PDE10A: variants seen among roughly 807,000 people sequenced by gnomAD.
PDE10A encodes the protein cAMP and cAMP-inhibited cGMP 3',5'-cyclic phosphodiesterase 10A.
In PDE10A, 39 loss-of-function variants were observed where a neutral mutation model predicts 97.7. That is an observed-to-expected ratio of 0.40 (90% confidence interval 0.31 to 0.52). The LOEUF is 0.52. Ranked by LOEUF, PDE10A falls within the 20% of genes least tolerant of loss-of-function variation. The probability of loss-of-function intolerance (pLI) is 0.56; values close to 1 mark genes in which losing one functional copy is unlikely to be tolerated. For missense variants in PDE10A, 731 were observed against 1,047.8 expected (o/e 0.70, Z 4.17); for synonymous variants, 371 against 376.8 (o/e 0.98, Z 0.18).
chr6:165,684,513 G>A (rs1460036686), intron 1 of PDE10A, among the ~76,000 whole-genome samples: 6 of 152,222 alleles, frequency 3.9e-5, no homozygotes, highest in Admixed American at 2.6e-4. Flanking sequence ...TGCCATCACT[G>A]CTATGTGAGT....
intron 13 of PDE10A, among the ~76,000 whole-genome samples, chr6:165,406,098 G>A (rs907426426): frequency 2.0e-5 from 3 of 152,010 alleles, no homozygotes; most frequent in Non-Finnish European, 2.9e-5. Context: ...GCTGAAATTA[G>A]TTATCTATAA....
intron 13 of PDE10A, among the ~76,000 whole-genome samples, chr6:165,407,413 T>C (rs894586122): frequency 2.6e-5 from 4 of 152,106 alleles, no homozygotes; most frequent in Non-Finnish European, 4.4e-5. Context: ...GAGATAATAA[T>C]AACCACACTC....
chr6:165,838,025 A>G (rs1421715776), intron 1 of PDE10A, among the ~76,000 whole-genome samples: 1 of 152,204 alleles, frequency 6.6e-6, no homozygotes, highest in Non-Finnish European at 1.5e-5. Flanking sequence ...CTCAGGAAAG[A>G]GAGGAAGTTA....
intron 10 of PDE10A, among the ~76,000 whole-genome samples, chr6:165,420,001 A>T (rs1183848171): frequency 6.6e-6 from 1 of 152,220 alleles, no homozygotes; most frequent in Non-Finnish European, 1.5e-5. Context: ...TACACCAAAC[A>T]AATACTGGCT....
chr6:165,434,712 T>C (rs1325862871), intron 6 of PDE10A, among the ~76,000 whole-genome samples: 2 of 151,976 alleles, frequency 1.3e-5, no homozygotes, highest in Non-Finnish European at 2.9e-5. Flanking sequence ...TGGAAGCGGG[T>C]GAGAGACACA....
At chr6:165,535,574 G>C (rs1459820001) in intron 2 of PDE10A, among the ~76,000 whole-genome samples, 1 of 151,574 alleles carries the variant, frequency 6.6e-6, no homozygotes, top group Non-Finnish European at 1.5e-5. Context: ...CCATGGCTGA[G>C]TAGTATTCTA....
intron 1 of PDE10A, among the ~76,000 whole-genome samples, chr6:165,736,308 G>A (rs1243063270): frequency 6.6e-6 from 1 of 152,172 alleles, no homozygotes; most frequent in African/African-American, 2.4e-5. Context: ...TGCAAAAATG[G>A]CTTCATAATT....
chr6:165,643,482 T>TG (rs1223485551), intron 1 of PDE10A, among the ~76,000 whole-genome samples: 1 of 152,160 alleles, frequency 6.6e-6, no homozygotes, highest in Non-Finnish European at 1.5e-5. Context: ...GATTTTTACA[T>TG]GCTGGGGCAA....
chr6:165,399,601 G>C (rs1786471478), intron 13 of PDE10A, among the ~76,000 whole-genome samples: 1 of 137,724 alleles, frequency 7.3e-6, no homozygotes, highest in Admixed American at 7.7e-5. Flanking sequence ...ACAGGCCCCA[G>C]TGTGTGATGT....
intron 1 of PDE10A, among the ~76,000 whole-genome samples, chr6:165,593,874 C>T (rs1786427687): frequency 6.6e-6 from 1 of 152,142 alleles, no homozygotes. Context: ...GCATAGTACA[C>T]AAGATAAATT....
chr6:165,351,257 T>G (rs1457783985), intron 18 of PDE10A, among the ~76,000 whole-genome samples: 1 of 152,152 alleles, frequency 6.6e-6, no homozygotes, highest in African/African-American at 2.4e-5. Context: ...GGTCACAATG[T>G]CAATATGAGT....
At chr6:165,431,382 T>C in intron 8 of PDE10A, 40 bp downstream of exon 8, 1 of 1,451,818 alleles carries the variant, frequency 6.9e-7, no homozygotes, top group Non-Finnish European at 9.5e-7. Context: ...AAACCTCTTC[T>C]CCCTTAGGAA....
At chr6:165,348,531 T>C (rs1220900970) in intron 18 of PDE10A, among the ~76,000 whole-genome samples, 1 of 152,212 alleles carries the variant, frequency 6.6e-6, no homozygotes, top group Non-Finnish European at 1.5e-5. Flanking sequence ...TTGTTTTTAG[T>C]TGTAGTCAGG....
chr6:165,471,762 A>T (rs1402203781), intron 3 of PDE10A, among the ~76,000 whole-genome samples: 16 of 151,846 alleles, frequency 1.1e-4, no homozygotes, highest in Admixed American at 1.1e-3. Context: ...ATTTTCCCCT[A>T]CCTCCATTAC....
intron 2 of PDE10A, among the ~76,000 whole-genome samples, chr6:165,528,195 C>T (rs1397875323): frequency 2.0e-5 from 3 of 152,208 alleles, no homozygotes; most frequent in East Asian, 3.9e-4. Flanking sequence ...ATGGATCTCT[C>T]TGAGTGGTCA....
chr6:165,520,946 C>T (rs1005304060), intron 2 of PDE10A, among the ~76,000 whole-genome samples: 15 of 152,080 alleles, frequency 9.9e-5, no homozygotes, highest in African/African-American at 3.4e-4. Flanking sequence ...TTTCATTGTG[C>T]TTTGCTTTAC....
At chr6:165,410,519 G>A (rs1330740855) in intron 13 of PDE10A, among the ~76,000 whole-genome samples, 1 of 152,130 alleles carries the variant, frequency 6.6e-6, no homozygotes, top group Non-Finnish European at 1.5e-5. Flanking sequence ...TTAGACTGGA[G>A]GTTAGGTATC....
intron 1 of PDE10A, among the ~76,000 whole-genome samples, chr6:165,879,634 T>C (rs538538398): frequency 6.6e-6 from 1 of 152,380 alleles, no homozygotes; most frequent in South Asian, 2.1e-4. Context: ...GTCGCTGATG[T>C]AAAACGGTGC....
intron 3 of PDE10A, among the ~76,000 whole-genome samples, chr6:165,473,384 C>G (rs918980200): frequency 8.5e-5 from 13 of 152,110 alleles, no homozygotes; most frequent in Non-Finnish European, 1.6e-4. Flanking sequence ...TAATGTAGCT[C>G]TAGACAAAGC....
Sources: gnomAD v4.1 joint callset for allele counts (sites outside exome capture counted in the v4.1 genomes callset) on GRCh38, gnomAD v4.1.1 for gene constraint, MANE v1.5 for transcripts, NCBI Gene and HGNC (gene_info 2026-07-23, HGNC 2026-07-21) for gene names.